Variants in STOX2 observed in about 807,000 individuals in gnomAD.
The protein encoded by STOX2 is storkhead-box protein 2.
A neutral mutation model predicts 60.9 loss-of-function variants in STOX2; 28 were observed. The ratio of observed to expected loss-of-function variants is 0.46; its 90% CI spans 0.34 to 0.63. The LOEUF (loss-of-function observed/expected upper bound fraction) is 0.63, where lower values mean the gene tolerates loss of function less well. STOX2 is among the 30% of genes least tolerant of loss of function. STOX2 has a pLI of 0.01. For synonymous variants in STOX2, 472 were observed against 463.9 expected, an observed-to-expected ratio of 1.02 and a Z score of -0.22; for missense variants, 1,024 against 1,187.7, an observed-to-expected ratio of 0.86 and a Z score of 2.03.
rs57369052 is a variant in STOX2 at position 183,990,578 on chromosome 4, A to ATTTTTTT, written c.167-10716_167-10710dup. On this transcript the variant is annotated intron_variant, in intron 1 of 3. Transcript: ENST00000308497. Reference sequence around the variant, plus strand: ...GAAGAGGGGCAGTTTAAAAAGCAGGATTTTTTTTTTTTTTTTTTTTTTTTT... The same window carrying ATTTTTTT: ...GAAGAGGGGCAGTTTAAAAAGCAGGATTTTTTTTTTTTTTTTTTTTTTTTTTTTTTTT... Among the ~76,000 whole-genome samples the ATTTTTTT allele has an allele frequency of 6.8e-4, 56 of 82,468 alleles. 6 individuals are homozygous for ATTTTTTT. Among genetic ancestry groups the ATTTTTTT allele is most frequent in the East Asian group, 3.8e-3 (9 of 2,392 alleles). 54.1% of individuals were successfully genotyped at this position (82,468 alleles called of 152,430 possible).
At chr4:183,847,867 G>A (rs115129882) in intron 1 of STOX2, among the ~76,000 whole-genome samples, 4,221 of 152,240 alleles carry the variant, frequency 0.028, 86 homozygotes, top group Middle Eastern at 0.075. Context: ...ATGTCACTTT[G>A]TGCACATGTG....
rs780455434 is a variant in STOX2 at position 184,011,118 on chromosome 4, G to A, written c.2280G>A (p.Gln760=). Residue 760 remains glutamine, a synonymous_variant, in exon 3 of 4, where the codon CAG becomes CAA. Transcript: ENST00000308497. This position sits in a 1 kb window ranked among gnomAD's most constrained non-coding sequence, Gnocchi z 4.4. ...AAQAMPASQR[Q]QESGGNQEAS... is the part of the protein sequence containing the mutation. The stretch of plus-strand genomic sequence containing the variant: ...AAGCCATGCCTGCTTCCCAGCGTCA[G>A]CAGGAGTCAGGAGGGAACCAGGAAG... 2 of 1,584,784 alleles carry A rather than the reference G, an allele frequency of 1.3e-6. No homozygotes were observed. Among genetic ancestry groups the A allele is most frequent in the Admixed American group, 3.6e-5 (2 of 55,476 alleles).
intron 1 of STOX2, among the ~76,000 whole-genome samples, chr4:183,823,819 C>T (rs1739359772): frequency 6.6e-6 from 1 of 152,244 alleles, no homozygotes; most frequent in African/African-American, 2.4e-5. Context: ...CTCTTAACAT[C>T]TGTGCCTCTA....
At chr4:183,918,098 C>A (rs1741982635) in intron 1 of STOX2, among the ~76,000 whole-genome samples, 1 of 152,158 alleles carries the variant, frequency 6.6e-6, no homozygotes, top group African/African-American at 2.4e-5. Flanking sequence ...CCTGAGGATG[C>A]AGAAGAAGAG....
intron 1 of STOX2, among the ~76,000 whole-genome samples, chr4:183,979,162 C>A (rs1253326272): frequency 1.3e-5 from 2 of 152,132 alleles, no homozygotes; most frequent in Admixed American, 6.5e-5. Context: ...AACTTACAGT[C>A]ATGGCAGAAG....
chr4:183,902,546 TTGTC>T (rs756518977), upstream of STOX2, among the ~76,000 whole-genome samples: 23 of 152,254 alleles, frequency 1.5e-4, no homozygotes, highest in East Asian at 3.3e-3. Context: ...AGGTACATGA[TTGTC>T]TGAGGTAGGT....
chr4:183,982,466 C>G (rs1732690792), intron 1 of STOX2, among the ~76,000 whole-genome samples: 1 of 152,182 alleles, frequency 6.6e-6, no homozygotes. Context: ...TTCCAAACTG[C>G]TTTTGTTGAG....
chr4:183,973,947 T>C (rs1288560544), intron 1 of STOX2, among the ~76,000 whole-genome samples: 1 of 152,206 alleles, frequency 6.6e-6, no homozygotes, highest in African/African-American at 2.4e-5. Context: ...TGAGCAGAGA[T>C]TGTGCCACTG....
At chr4:184,017,046 T>C in intron 3 of STOX2, 43 bp from the exon 4 acceptor site, 1 of 1,494,270 alleles carries the variant, frequency 6.7e-7, no homozygotes, top group South Asian at 1.3e-5. Flanking sequence ...TATAATTATT[T>C]ATGTTCCAAA....
chr4:184,009,136 G>GGT lies in STOX2; in HGVS notation c.320-22_320-21insGT. The GGT allele has an allele frequency of 1.4e-6, 1 of 716,350 alleles. No homozygotes were observed. The highest frequency in any genetic ancestry group is 2.2e-5 in the South Asian group (1 of 45,892). The allele number at this position is 716,350 out of a possible 1,614,324, so 44.4% of individuals were successfully genotyped here. On this transcript the variant is annotated intron_variant, in intron 2 of 3. Transcript: ENST00000308497. The surrounding 1 kb of genome is among the most constrained non-coding windows in gnomAD (Gnocchi z 4.0). ...TGTTCTGTCTTCATTCTCACAAGTGGTTTTTTTTTTTTTTTTTTCAGGTGT... is the reference window on the plus strand; with the variant it reads ...TGTTCTGTCTTCATTCTCACAAGTGGGTTTTTTTTTTTTTTTTTTTCAGGTGT...
intron 1 of STOX2, among the ~76,000 whole-genome samples, chr4:183,829,070 A>T (rs964201033): frequency 6.6e-6 from 1 of 152,254 alleles, no homozygotes; most frequent in Non-Finnish European, 1.5e-5. Flanking sequence ...AAAGTTGACT[A>T]ATTTTCTCCA....
At chr4:183,941,428 C>A (rs1415549202) in intron 1 of STOX2, among the ~76,000 whole-genome samples, 1 of 152,100 alleles carries the variant, frequency 6.6e-6, no homozygotes, top group Non-Finnish European at 1.5e-5. Flanking sequence ...ATTAGCCAGG[C>A]GTGGTGGTGG....
chr4:183,910,054 C>T (rs749908918), intron 1 of STOX2, among the ~76,000 whole-genome samples: 15 of 152,206 alleles, frequency 9.9e-5, no homozygotes, highest in Non-Finnish European at 2.1e-4. Flanking sequence ...AATTCATGAG[C>T]TTCCTAGCAA....
chr4:183,842,040 G>A (rs1458691863), intron 1 of STOX2, among the ~76,000 whole-genome samples: 1 of 152,212 alleles, frequency 6.6e-6, no homozygotes, highest in African/African-American at 2.4e-5. Flanking sequence ...GATGGATAAT[G>A]AAGCCACTTG....
At chr4:183,978,687 G>A (rs1163520777) in intron 1 of STOX2, among the ~76,000 whole-genome samples, 4 of 152,216 alleles carry the variant, frequency 2.6e-5, no homozygotes, top group African/African-American at 9.6e-5. Context: ...ATTAGGCTCA[G>A]TGGAAGAAGC....
At chr4:183,843,103 G>A (rs1479399674) in intron 1 of STOX2, among the ~76,000 whole-genome samples, 1 of 145,838 alleles carries the variant, frequency 6.9e-6, no homozygotes, top group African/African-American at 2.6e-5. Flanking sequence ...AGCCAAGATC[G>A]CGCCACCGTA....
intron 1 of STOX2, among the ~76,000 whole-genome samples, chr4:183,989,659 T>A (rs1414531175): frequency 6.6e-6 from 1 of 152,218 alleles, no homozygotes; most frequent in African/African-American, 2.4e-5. Flanking sequence ...TGCTGTTAAC[T>A]GCTAAGGAAG....
At chr4:183,894,505 G>A (rs910031461) in intron 1 of STOX2, among the ~76,000 whole-genome samples, 1 of 151,266 alleles carries the variant, frequency 6.6e-6, no homozygotes, top group Non-Finnish European at 1.5e-5. Context: ...ATTTGCTGGA[G>A]TTAAAAAGTT....
At chr4:183,893,724 A>G (rs1461278995) in intron 1 of STOX2, among the ~76,000 whole-genome samples, 1 of 152,150 alleles carries the variant, frequency 6.6e-6, no homozygotes, top group Non-Finnish European at 1.5e-5. Flanking sequence ...CTCCCCACTT[A>G]GATTTATTTG....
Sources: gnomAD v4.1 joint callset for allele counts (sites outside exome capture counted in the v4.1 genomes callset) on GRCh38, gnomAD v4.1.1 for gene constraint, Gnocchi (gnomAD v3.1) non-coding constraint, MANE v1.5 for transcripts, NCBI Gene and HGNC (gene_info 2026-07-23, HGNC 2026-07-21) for gene names.